The following CIMIP3 variants were observed in gnomAD, a reference collection of about 807,000 sequenced individuals.
CIMIP3 encodes ciliary microtubule inner protein 3.
the CIMIP3 span, among the ~76,000 whole-genome samples, chr6:42,161,410 C>CA: frequency 1.3e-5 from 2 of 152,010 alleles, no homozygotes; most frequent in Admixed American, 6.6e-5. Context: ...CTGACACACA[C>CA]GCAGGATGGA....
chr6:42,162,090 C>CTTTTTTTTTT, the CIMIP3 span, among the ~76,000 whole-genome samples: 10 of 63,092 alleles, frequency 1.6e-4, no homozygotes, highest in African/African-American at 6.5e-4. Flanking sequence ...AAGCCACATT[C>CTTTTTTTTTT]TTTTTTTTTT....
chr6:42,159,950 A>G, the CIMIP3 span, among the ~76,000 whole-genome samples: 2 of 152,308 alleles, frequency 1.3e-5, no homozygotes, highest in South Asian at 4.1e-4. Context: ...ATCCACTGAC[A>G]GGGTTTGGTG....
the CIMIP3 span, among the ~76,000 whole-genome samples, chr6:42,162,470 T>G: frequency 7.1e-6 from 1 of 141,346 alleles, no homozygotes; most frequent in African/African-American, 2.6e-5. Context: ...CGTGACCAAG[T>G]AGGAGGGTGG....
chr6:42,156,591 A>G, the CIMIP3 span, among the ~76,000 whole-genome samples: 1 of 152,174 alleles, frequency 6.6e-6, no homozygotes, highest in East Asian at 1.9e-4. Context: ...GTGCTCTCCT[A>G]TAGGTTCAGA....
the CIMIP3 span, chr6:42,163,200 G>A: frequency 1.3e-4 from 79 of 596,340 alleles, no homozygotes; most frequent in Middle Eastern, 2.6e-4. Flanking sequence ...GACCACACCC[G>A]CAAGCGCTTT....
the CIMIP3 span, among the ~76,000 whole-genome samples, chr6:42,161,218 G>A: frequency 6.6e-6 from 1 of 152,046 alleles, no homozygotes; most frequent in Non-Finnish European, 1.5e-5. Flanking sequence ...AAAACACAGA[G>A]GAAATACATC....
At chr6:42,162,393 C>G in the CIMIP3 span, among the ~76,000 whole-genome samples, 29 of 143,606 alleles carry the variant, frequency 2.0e-4, no homozygotes, top group Middle Eastern at 0.011. Context: ...CCAGCCTGGG[C>G]AACAAGAGCG....
At chr6:42,163,311 G>A in the CIMIP3 span, 153 of 488,850 alleles carry the variant, frequency 3.1e-4, no homozygotes, top group East Asian at 5.0e-3. Context: ...AGGTCCCCAA[G>A]GGGAAGGGCT....
the CIMIP3 span, among the ~76,000 whole-genome samples, chr6:42,160,411 A>G: frequency 2.0e-5 from 3 of 152,108 alleles, no homozygotes; most frequent in Non-Finnish European, 2.9e-5. Context: ...ACACTTGCTC[A>G]TTTCTTGTGG....
the CIMIP3 span, among the ~76,000 whole-genome samples, chr6:42,157,173 T>C: frequency 6.6e-6 from 1 of 152,192 alleles, no homozygotes; most frequent in Non-Finnish European, 1.5e-5. Flanking sequence ...TATTAATACA[T>C]GTGTACTGTG....
the CIMIP3 span, among the ~76,000 whole-genome samples, chr6:42,157,475 C>T: frequency 6.6e-6 from 1 of 152,208 alleles, no homozygotes; most frequent in East Asian, 1.9e-4. Context: ...GTCTCAAACT[C>T]CTGGGCTCAA....
chr6:42,155,585 G>A, the CIMIP3 span: 235 of 717,470 alleles, frequency 3.3e-4, 1 homozygote, highest in Middle Eastern at 3.7e-3. Context: ...TCACATGTGC[G>A]GCTGGGAGGT....
At chr6:42,160,307 A>G in the CIMIP3 span, among the ~76,000 whole-genome samples, 2 of 152,156 alleles carry the variant, frequency 1.3e-5, no homozygotes, top group Non-Finnish European at 2.9e-5. Flanking sequence ...ATCTTTGATG[A>G]CCACTATCAC....
At chr6:42,163,314 G>A in the CIMIP3 span, 2 of 488,954 alleles carry the variant, frequency 4.1e-6, no homozygotes, top group East Asian at 6.6e-5. Flanking sequence ...TCCCCAAGGG[G>A]AAGGGCTGCT....
the CIMIP3 span, among the ~76,000 whole-genome samples, chr6:42,156,249 G>A: frequency 6.6e-6 from 1 of 151,716 alleles, no homozygotes; most frequent in Admixed American, 6.6e-5. Flanking sequence ...TCCTGCCTCG[G>A]CCTCCCAAAG....
chr6:42,156,622 C>T, the CIMIP3 span, among the ~76,000 whole-genome samples: 5 of 152,214 alleles, frequency 3.3e-5, no homozygotes, highest in Admixed American at 6.5e-5. Context: ...TGTGAAACCA[C>T]GGTGTAACTG....
At chr6:42,162,990 A>C in the CIMIP3 span, 45 of 713,654 alleles carry the variant, frequency 6.3e-5, no homozygotes, top group African/African-American at 7.4e-4. Flanking sequence ...AAGGCTCCAC[A>C]CTCGTCCCGG....
the CIMIP3 span, among the ~76,000 whole-genome samples, chr6:42,157,764 T>A: frequency 6.6e-6 from 1 of 152,132 alleles, no homozygotes; most frequent in East Asian, 1.9e-4. Context: ...GATCATGGGA[T>A]TCCCAAGGGA....
chr6:42,157,597 C>T, the CIMIP3 span, among the ~76,000 whole-genome samples: 1 of 150,878 alleles, frequency 6.6e-6, no homozygotes, highest in South Asian at 2.1e-4. Context: ...ACTATGTTGG[C>T]CAGGTTGATC....
Sources: allele counts gnomAD v4.1 joint callset (sites outside exome capture counted in the v4.1 genomes callset), GRCh38; gene constraint gnomAD v4.1.1; transcripts MANE v1.5; gene names NCBI Gene and HGNC (gene_info 2026-07-23, HGNC 2026-07-21).